Variants in CLMN observed in about 807,000 individuals in gnomAD.
The protein encoded by CLMN is calmin, also known as calmin (calponin-like, transmembrane).
In CLMN, 57 loss-of-function variants were observed where a neutral mutation model predicts 92.7. That is an observed-to-expected ratio of 0.61 (90% confidence interval 0.50 to 0.77). CLMN has a LOEUF of 0.77. Among genes scored for constraint, CLMN ranks in the 30% least tolerant of loss-of-function variants. The pLI is 0.00. For missense variants in CLMN, 1,158 were observed against 1,237.5 expected (o/e 0.94, Z 0.96); for synonymous variants, 466 against 470.6 (o/e 0.99, Z 0.13).
chr14:95,318,885 T>G (rs1901913367), intron 1 of CLMN, among the ~76,000 whole-genome samples: 1 of 152,254 alleles, frequency 6.6e-6, no homozygotes, highest in African/African-American at 2.4e-5. Flanking sequence ...ACTTTTTTCC[T>G]TCAAATATTT....
At chr14:95,246,222 T>C (rs1898565267) in intron 1 of CLMN, among the ~76,000 whole-genome samples, 1 of 152,170 alleles carries the variant, frequency 6.6e-6, no homozygotes, top group African/African-American at 2.4e-5. Context: ...AGACAATGTT[T>C]CCTGCCCTAA....
chr14:95,211,435 T>C (rs547925123), intron 6 of CLMN, among the ~76,000 whole-genome samples: 2 of 152,176 alleles, frequency 1.3e-5, no homozygotes, highest in African/African-American at 2.4e-5. Context: ...CACTCACTAA[T>C]GACAGCTACT....
At chr14:95,267,642 C>A (rs1405786809) in intron 1 of CLMN, among the ~76,000 whole-genome samples, 5 of 152,256 alleles carry the variant, frequency 3.3e-5, no homozygotes, top group African/African-American at 1.2e-4. Context: ...AATAGAAGTA[C>A]CTTATGATCC....
chr14:95,211,997 TA>T (rs1469028472), intron 6 of CLMN, among the ~76,000 whole-genome samples: 3 of 152,186 alleles, frequency 2.0e-5, no homozygotes, highest in East Asian at 3.8e-4. Context: ...CCTTCTACCC[TA>T]ACCCCTGACA....
rs897118281 is a variant in CLMN, at chr14:95,219,794, T to C, written c.324+1897A>G. On this transcript the variant is annotated intron_variant, in intron 4 of 12. Transcript: ENST00000298912. The stretch of plus-strand genomic sequence containing the variant: ...GGGTAGGCTTTCTTTATAAAAAGTT[T>C]TAATGAGCTATAACTCACATCCCAT... Among the ~76,000 whole-genome samples the C allele has an allele frequency of 3.3e-5, 5 of 152,294 alleles. No individual in the cohort carries two copies. The East Asian group carries it at 9.7e-4, about 29-fold the overall frequency.
chr14:95,263,814 G>T (rs1291935775), intron 1 of CLMN, among the ~76,000 whole-genome samples: 2 of 152,172 alleles, frequency 1.3e-5, no homozygotes, highest in African/African-American at 4.8e-5. Flanking sequence ...TTGGGGGGTT[G>T]TTGTGAGGAT....
intron 1 of CLMN, among the ~76,000 whole-genome samples, chr14:95,233,100 T>G (rs1304884325): frequency 6.6e-6 from 1 of 152,216 alleles, no homozygotes; most frequent in African/African-American, 2.4e-5. Context: ...TTAAACAAGT[T>G]TATGGGGACT....
chr14:95,211,737 A>G (rs559263915), intron 6 of CLMN, among the ~76,000 whole-genome samples: 71 of 152,096 alleles, frequency 4.7e-4, no homozygotes, highest in Non-Finnish European at 9.7e-4. Flanking sequence ...CACAGTACAG[A>G]GAGTCTCTAC....
intron 4 of CLMN, among the ~76,000 whole-genome samples, 192 bp from the exon 5 acceptor site, chr14:95,215,925 A>G (rs945239754): frequency 1.3e-5 from 2 of 151,784 alleles, no homozygotes; most frequent in African/African-American, 4.8e-5. Flanking sequence ...GCAAAAGTGT[A>G]TTTAATTAAC....
chr14:95,227,632 C>T (rs1197433299), intron 2 of CLMN, among the ~76,000 whole-genome samples: 3 of 152,214 alleles, frequency 2.0e-5, no homozygotes, highest in African/African-American at 7.2e-5. Flanking sequence ...CAGCAGCAAA[C>T]AGGGCCTTGG....
intron 1 of CLMN, among the ~76,000 whole-genome samples, chr14:95,242,257 T>C (rs937617274): frequency 9.9e-5 from 13 of 131,412 alleles, no homozygotes; most frequent in African/African-American, 3.5e-4. Flanking sequence ...TTTCTTTTTT[T>C]TTTTTTTTTT....
chr14:95,193,379 CTG>C (rs1200402763), intron 12 of CLMN: 13 of 1,534,952 alleles, frequency 8.5e-6, no homozygotes, highest in Admixed American at 3.9e-5. Context: ...TGCCATAAAA[CTG>C]TAAAATCAGC....
chr14:95,290,846 G>A (rs931465224), intron 1 of CLMN, among the ~76,000 whole-genome samples: 5 of 152,124 alleles, frequency 3.3e-5, no homozygotes, highest in African/African-American at 1.2e-4. Flanking sequence ...CTAGTGCTGT[G>A]GTATGCAGTA....
chr14:95,215,815 CTGTGTGTGTGTG>C (rs57063101), intron 4 of CLMN, 82 bp from the exon 5 acceptor site: 49,185 of 567,322 alleles, frequency 0.087, 1,146 homozygotes, highest in Middle Eastern at 0.12. Flanking sequence ...CTCTCTCTCT[CTGTGTGTGTGTG>C]TGTGTGTGTG....
Position 95,191,482 on chromosome 14 carries a change from GC to G in CLMN, c.*81del. On this transcript the variant is annotated 3_prime_UTR_variant, in exon 13 of 13. Coordinates refer to ENST00000298912, the MANE Select transcript of CLMN (RefSeq NM_024734.4). The surrounding 1 kb of genome is among the most constrained non-coding windows in gnomAD (Gnocchi z 5.3). ...GAGGTCCTCAACTGTCTGTAGAAGT[GC>G]CCCACCCAGAACCCAAAATAAAATG... 1.7e-6 allele frequency: 2 copies of G among 1,193,734 alleles called. No individual in the cohort carries two copies. The allele number at this position is 1,193,734 out of a possible 1,614,324, so 73.9% of individuals were successfully genotyped here. A position where few individuals can be genotyped will look rare whatever the true frequency, so the allele number is the denominator to read the frequency against.
Position 95,194,662 on chromosome 14 carries a change from C to A in CLMN, c.2709-66G>T. On this transcript the variant is annotated intron_variant, in intron 10 of 12. Transcript: ENST00000298912. The surrounding 1 kb of genome is among the most constrained non-coding windows in gnomAD (Gnocchi z 4.0). ...GCTCTTCATGGCTCAGTTGTACGGT[C>A]ACCCCCATCCTGGGGTTTCCACGTA... 6.7e-7 allele frequency: 1 copy of A among 1,484,892 alleles called. No individual in the cohort carries two copies. The highest frequency in any genetic ancestry group is 1.1e-5 in the South Asian group (1 of 88,318). 92.0% of individuals were successfully genotyped at this position (1,484,892 alleles called of 1,614,324 possible). A position where few individuals can be genotyped will look rare whatever the true frequency, so the allele number is the denominator to read the frequency against.
In CLMN at chr14:95,213,312, G is replaced by A; in HGVS notation, c.515C>T (p.Thr172Ile). 1 of 1,614,098 alleles carries A rather than the reference G, an allele frequency of 6.2e-7. No homozygotes were observed. The highest frequency in any genetic ancestry group is 1.1e-5 in the South Asian group (1 of 91,036). Reference sequence around the variant, plus strand: ...TGCCACGCTCCTCTCTGCAGTGGGTGTGGGTGGGAAGGATGAGTCTGAGTC... The same window carrying A: ...TGCCACGCTCCTCTCTGCAGTGGGTATGGGTGGGAAGGATGAGTCTGAGTC... ...GTDSDSSFPP[T>I]PTAERSVAIS... Residue 172 changes from threonine to isoleucine, a missense_variant, in exon 6 of 13, where the codon ACA becomes ATA. Transcript: ENST00000298912.
chr14:95,275,024 A>G (rs938469846), intron 1 of CLMN, among the ~76,000 whole-genome samples: 2 of 151,322 alleles, frequency 1.3e-5, no homozygotes, highest in African/African-American at 2.4e-5. Flanking sequence ...ACAAATATTT[A>G]CTGACCCTTA....
At chr14:95,195,784 C>T (rs1370954065) in intron 10 of CLMN, among the ~76,000 whole-genome samples, 1 of 144,860 alleles carries the variant, frequency 6.9e-6, no homozygotes, top group African/African-American at 2.6e-5. Flanking sequence ...AGGGCTTGAT[C>T]AACACTGACT....
Sources: gnomAD v4.1 joint callset for allele counts (sites outside exome capture counted in the v4.1 genomes callset) on GRCh38, gnomAD v4.1.1 for gene constraint, Gnocchi (gnomAD v3.1) non-coding constraint, MANE v1.5 for transcripts, NCBI Gene and HGNC (gene_info 2026-07-23, HGNC 2026-07-21) for gene names.